Variants in IGSF21 observed in about 807,000 individuals in gnomAD.
The protein encoded by IGSF21 is immunoglobin superfamily member 21, also known as immunoglobulin superfamily member 21.
In IGSF21, 28 loss-of-function variants were observed where a neutral mutation model predicts 46.8. The observed-to-expected ratio is 0.60, with a 90% CI of 0.44 to 0.82. The LOEUF is 0.82. IGSF21 is among the 40% of genes least tolerant of loss of function. The pLI is 0.00. For missense variants in IGSF21, 624 were observed against 665.5 expected (o/e 0.94, Z 0.69); for synonymous variants, 284 against 273.6 (o/e 1.04, Z -0.38).
intron 2 of IGSF21, among the ~76,000 whole-genome samples, chr1:18,237,699 A>G (rs1020093112): frequency 6.6e-6 from 1 of 152,206 alleles, no homozygotes; most frequent in African/African-American, 2.4e-5. Flanking sequence ...AGCACCTGGT[A>G]GCTTAGTTAT....
intron 1 of IGSF21, among the ~76,000 whole-genome samples, chr1:18,156,090 G>C (rs2086566008): frequency 6.6e-6 from 1 of 152,222 alleles, no homozygotes; most frequent in African/African-American, 2.4e-5. Flanking sequence ...CACGCGACAG[G>C]CTGGCTTCTA....
chr1:18,273,496 CTTTCTTTCTTTCTTTCTTT>C (rs2085070306), intron 2 of IGSF21, among the ~76,000 whole-genome samples: 1 of 77,432 alleles, frequency 1.3e-5, no homozygotes, highest in Non-Finnish European at 2.6e-5. Context: ...TTCTTTCTTT[CTTTCTTTCTTTCTTTCTTT>C]CTTTCGTCTT....
At chr1:18,144,177 A>G (rs926287404) in intron 1 of IGSF21, among the ~76,000 whole-genome samples, 2 of 151,982 alleles carry the variant, frequency 1.3e-5, no homozygotes, top group Non-Finnish European at 2.9e-5. Flanking sequence ...AGGAAGGAGG[A>G]CAGGCCAGCA....
chr1:18,352,977 G>T (rs952827723), intron 4 of IGSF21, among the ~76,000 whole-genome samples: 1 of 152,110 alleles, frequency 6.6e-6, no homozygotes, highest in African/African-American at 2.4e-5. Context: ...CCTCGCCACT[G>T]CACCAAGCAC....
At chr1:18,260,642 G>A (rs1242109785) in intron 2 of IGSF21, among the ~76,000 whole-genome samples, 1 of 152,216 alleles carries the variant, frequency 6.6e-6, no homozygotes, top group Non-Finnish European at 1.5e-5. Context: ...TCAGGTCATT[G>A]CCATGGAAGG....
At chr1:18,291,813 T>A in intron 2 of IGSF21, 53 bp from the exon 3 acceptor site, 2 of 1,599,184 alleles carry the variant, frequency 1.3e-6, no homozygotes, top group Non-Finnish European at 8.5e-7. Flanking sequence ...GGGAAAGGGG[T>A]GACCAGGGCC....
chr1:18,228,208 G>T (rs2084589391), intron 2 of IGSF21, among the ~76,000 whole-genome samples, 198 bp downstream of exon 2: 1 of 152,156 alleles, frequency 6.6e-6, no homozygotes, highest in African/African-American at 2.4e-5. Context: ...CCTCAGGACT[G>T]ATCTGGTTTC....
At chr1:18,263,038 G>A (rs920348447) in intron 2 of IGSF21, among the ~76,000 whole-genome samples, 3 of 152,188 alleles carry the variant, frequency 2.0e-5, no homozygotes, top group Admixed American at 6.5e-5. Context: ...CTGGACATCC[G>A]CAGGATGGGG....
At chr1:18,329,564 T>A (rs1039840370) in intron 3 of IGSF21, among the ~76,000 whole-genome samples, 3 of 152,106 alleles carry the variant, frequency 2.0e-5, no homozygotes, top group African/African-American at 4.8e-5. Flanking sequence ...TACTGCAGCA[T>A]GACATGGACA....
At chr1:18,142,507 A>G (rs2086423257) in intron 1 of IGSF21, among the ~76,000 whole-genome samples, 1 of 152,174 alleles carries the variant, frequency 6.6e-6, no homozygotes, top group South Asian at 2.1e-4. Flanking sequence ...TACAAGACCC[A>G]GGAAGTCTTC....
intron 1 of IGSF21, chr1:18,113,126 G>A (rs2086157415): frequency 6.6e-6 from 1 of 152,244 alleles, no homozygotes; most frequent in Non-Finnish European, 1.5e-5. Context: ...ACTGGAAAGG[G>A]AGTACAGCAG....
At position 18,200,853 on chromosome 1, in the gene IGSF21, C is replaced by T. The variant is rs147377731; in HGVS notation, c.71-27045C>T. ...TGAGCTGACCCTGCTTTGAGTTTCACGTGATTTATGTCGTTGATTTTACCC... is the reference window on the plus strand; with the variant it reads ...TGAGCTGACCCTGCTTTGAGTTTCATGTGATTTATGTCGTTGATTTTACCC... On this transcript the variant is annotated intron_variant, in intron 1 of 9. Transcript: ENST00000251296. 3.2e-3 allele frequency among the ~76,000 whole-genome samples: 481 copies of T among 152,170 alleles called. 2 individuals are homozygous for T. The highest frequency in any genetic ancestry group is 0.011 in the African/African-American group (466 of 41,508).
At chr1:18,324,103 C>G (rs577196060) in intron 3 of IGSF21, among the ~76,000 whole-genome samples, 1 of 152,212 alleles carries the variant, frequency 6.6e-6, no homozygotes, top group Non-Finnish European at 1.5e-5. Context: ...CAGGGAAGCC[C>G]ACCACATTAA....
rs150748343 is a variant in IGSF21 at position 18,294,565 on chromosome 1, G to A, written c.305+2578G>A. ...ACTTGACCAGACCCCTTGCTTTTCA[G>A]TTGTGGAAGCCAAGGCCCAGAGAGG... is the stretch of plus-strand genomic sequence containing the variant. On this transcript the variant is annotated intron_variant, in intron 3 of 9. Transcript: ENST00000251296. Among the ~76,000 whole-genome samples the A allele has an allele frequency of 5.6e-4, 86 of 152,356 alleles. 1 individual carries two copies. The highest frequency in any genetic ancestry group is 1.9e-3 in the African/African-American group (78 of 41,584).
In IGSF21 at chr1:18,365,203, C is replaced by A; in HGVS notation, c.541-20C>A. 1 of 1,565,394 alleles carries A rather than the reference C, an allele frequency of 6.4e-7. No homozygotes were observed. The highest frequency in any genetic ancestry group is 8.7e-7 in the Non-Finnish European group (1 of 1,148,436). ...TTAGTAGCACAAAATCATTTTCCCA[C>A]ACCCTCCTTACAATGGCAGGTTTAT... On this transcript the variant is annotated intron_variant, in intron 5 of 9. Transcript: ENST00000251296. The surrounding 1 kb of genome is among the most constrained non-coding windows in gnomAD (Gnocchi z 4.8).
intron 3 of IGSF21, among the ~76,000 whole-genome samples, chr1:18,300,025 A>T (rs945330541): frequency 1.3e-5 from 2 of 152,152 alleles, no homozygotes; most frequent in African/African-American, 4.8e-5. Context: ...AGGAGTTCAA[A>T]ACCACACTGG....
intron 1 of IGSF21, among the ~76,000 whole-genome samples, chr1:18,142,387 C>T (rs1198646350): frequency 6.6e-6 from 1 of 152,180 alleles, no homozygotes; most frequent in Non-Finnish European, 1.5e-5. Context: ...GACTCAACGC[C>T]CTGGCTTGTT....
intron 1 of IGSF21, among the ~76,000 whole-genome samples, chr1:18,180,014 G>A (rs1336488208): frequency 2.6e-5 from 4 of 152,080 alleles, no homozygotes; most frequent in African/African-American, 7.2e-5. Context: ...TGAGTGACTC[G>A]CTCTCCCTTC....
intron 2 of IGSF21, among the ~76,000 whole-genome samples, chr1:18,263,059 C>G (rs1373825188): frequency 1.3e-5 from 2 of 152,208 alleles, no homozygotes; most frequent in Non-Finnish European, 1.5e-5. Flanking sequence ...CAATTGGCAC[C>G]TGCAAGACAA....
Sources: allele counts gnomAD v4.1 joint callset (sites outside exome capture counted in the v4.1 genomes callset), GRCh38; gene constraint gnomAD v4.1.1; non-coding constraint Gnocchi (gnomAD v3.1); transcripts MANE v1.5; gene names NCBI Gene and HGNC (gene_info 2026-07-23, HGNC 2026-07-21).